The following CHD2 variants were observed in gnomAD, a reference collection of about 807,000 sequenced individuals.
CHD2 encodes the protein chromodomain helicase DNA binding protein 2, also known as ATP-dependent chromatin remodeler CHD2.
A neutral mutation model predicts 243.9 loss-of-function variants in CHD2; 28 were observed. That is an observed-to-expected ratio of 0.11 (90% CI 0.09 to 0.16). CHD2 has a LOEUF of 0.16. Ranked by LOEUF, CHD2 falls within the 10% of genes least tolerant of loss-of-function variation. The probability of loss-of-function intolerance (pLI) is 1.00; values close to 1 mark genes in which losing one functional copy is unlikely to be tolerated. For synonymous variants in CHD2, 775 were observed against 779.0 expected (o/e 0.99, Z 0.09); for missense variants, 1,386 against 2,209.8 (o/e 0.63, Z 7.47).
At chr15:92,913,612 T>A (rs1162779970) in intron 2 of CHD2, among the ~76,000 whole-genome samples, 9 of 152,160 alleles carry the variant, frequency 5.9e-5, no homozygotes, top group Admixed American at 5.9e-4. Flanking sequence ...TCCCAGCACT[T>A]TGGGAGGCTG....
At position 92,957,798 on chromosome 15, in the gene CHD2, C is replaced by G. The variant is rs148357470; in HGVS notation, c.2000+1149C>G. Among the ~76,000 whole-genome samples the G allele has an allele frequency of 6.4e-4, 98 of 152,166 alleles. 2 individuals carry two copies. In the East Asian group the frequency reaches 0.019, roughly 29 times the overall value. ...AACATTTTCCTCATCCCAAAAAGTT[C>G]CCCCTTGCTTGTTTGCAGTTAACCT... is the stretch of plus-strand genomic sequence containing the variant. On this transcript the variant is annotated intron_variant, in intron 16 of 38. Transcript: ENST00000394196.
chr15:92,978,877 G>A (rs1350160935), intron 21 of CHD2, among the ~76,000 whole-genome samples: 2 of 152,154 alleles, frequency 1.3e-5, no homozygotes, highest in Non-Finnish European at 2.9e-5. Context: ...ACTGAAGCAC[G>A]ATTTTTATTG....
rs2053606773 is a variant in CHD2, at chr15:92,955,445, A to T, written c.1742A>T (p.His581Leu). 1 of 1,596,062 alleles carries T rather than the reference A, an allele frequency of 6.3e-7. No homozygotes were observed. Among genetic ancestry groups the T allele is most frequent in the African/African-American group, 1.4e-5 (1 of 73,780 alleles). ...RNTIREYEWIHSQTKRLKFNA... is the reference protein window; with the variant it reads ...RNTIREYEWILSQTKRLKFNA... ...TAGATACGGGAATATGAATGGATTC[A>T]TTCCCAAACCAAAAGATTGAAGTTC... is the stretch of plus-strand genomic sequence containing the variant. The change falls in exon 15 of 39, where the codon CAT becomes CTT. Residue 581 changes from histidine to leucine, a missense_variant. Physicochemically the swap from His to Leu is moderately conservative, Grantham distance 99 (BLOSUM62 -3). Around this residue, in one of 19 missense-constraint regions of CHD2, gnomAD observed 63 missense variants for 108.8 expected, o/e 0.58. Transcript: ENST00000394196.
intron 32 of CHD2, among the ~76,000 whole-genome samples, chr15:93,001,436 T>G (rs879337401): frequency 1.3e-5 from 2 of 152,188 alleles, no homozygotes; most frequent in African/African-American, 2.4e-5. Context: ...TAATTGTACT[T>G]GGATATTAGC....
intron 27 of CHD2, among the ~76,000 whole-genome samples, chr15:92,992,162 G>T (rs1338804611): frequency 6.6e-6 from 1 of 152,184 alleles, no homozygotes; most frequent in Non-Finnish European, 1.5e-5. Context: ...CTTCTTGAGT[G>T]GGTGAAAATT....
intron 21 of CHD2, among the ~76,000 whole-genome samples, chr15:92,978,698 C>T (rs530178277): frequency 4.6e-5 from 7 of 152,256 alleles, no homozygotes; most frequent in African/African-American, 9.6e-5. Flanking sequence ...AGTTAAATAT[C>T]CTATTGTTCA....
chr15:92,976,536 C>T (rs921271684), intron 20 of CHD2, among the ~76,000 whole-genome samples: 8 of 151,314 alleles, frequency 5.3e-5, no homozygotes, highest in African/African-American at 9.7e-5. Context: ...TGAGGCTAGG[C>T]GCGCATAGTG....
At chr15:92,917,774 A>T (rs913544544) in intron 2 of CHD2, among the ~76,000 whole-genome samples, 1 of 152,186 alleles carries the variant, frequency 6.6e-6, no homozygotes, top group Non-Finnish European at 1.5e-5. Context: ...CTGTGGGGTG[A>T]TATCTTACAC....
intron 35 of CHD2, among the ~76,000 whole-genome samples, chr15:93,009,582 T>C (rs1156363199): frequency 1.3e-5 from 2 of 152,256 alleles, no homozygotes; most frequent in Non-Finnish European, 2.9e-5. Flanking sequence ...TTTGCTGGTC[T>C]ATTCTCAGAA....
At chr15:92,920,551 T>C (rs1302611531) in intron 2 of CHD2, among the ~76,000 whole-genome samples, 3 of 152,206 alleles carry the variant, frequency 2.0e-5, no homozygotes, top group African/African-American at 7.2e-5. Flanking sequence ...TAAACATTTC[T>C]AGTTGGGCTG....
chr15:93,018,674 A>G (rs1228907928), intron 37 of CHD2, among the ~76,000 whole-genome samples: 1 of 152,208 alleles, frequency 6.6e-6, no homozygotes, highest in East Asian at 1.9e-4. Context: ...CTCCGAGGGA[A>G]AAGCTGTTCC....
chr15:92,908,944 C>T lies in CHD2; in HGVS notation c.62+7645C>T, dbSNP rs563195328. Among the ~76,000 whole-genome samples, 52 of 152,102 alleles carry T rather than the reference C, an allele frequency of 3.4e-4. No homozygotes were observed. In the South Asian group the frequency reaches 8.9e-3, roughly 26 times the overall value. ...GAACAGCCTGGCCAACATGGTGAAA[C>T]CCTGTCTCTACTAAAAATACAAAGA... is the stretch of plus-strand genomic sequence containing the variant. On this transcript the variant is annotated intron_variant, in intron 2 of 38. Transcript: ENST00000394196.
At chr15:93,013,785 A>G (rs542450308) in intron 36 of CHD2, among the ~76,000 whole-genome samples, 1 of 152,120 alleles carries the variant, frequency 6.6e-6, no homozygotes, top group African/African-American at 2.4e-5. Flanking sequence ...AACTACAAAT[A>G]TTAGCTGGGT....
intron 2 of CHD2, among the ~76,000 whole-genome samples, chr15:92,920,911 G>A (rs1242715625): frequency 2.6e-5 from 4 of 152,172 alleles, no homozygotes; most frequent in Non-Finnish European, 2.9e-5. Context: ...GTTGACAAGC[G>A]GCCAGATTAC....
intron 2 of CHD2, among the ~76,000 whole-genome samples, chr15:92,908,404 G>T (rs971075864): frequency 4.6e-5 from 7 of 152,080 alleles, no homozygotes; most frequent in African/African-American, 1.7e-4. Context: ...TGTGTGTTTT[G>T]GGTTTCCTCT....
At position 92,924,492 on chromosome 15, in the gene CHD2, C is replaced by A. The variant is rs751285040; in HGVS notation, c.234C>A (p.Val78=). The A allele has an allele frequency of 6.2e-7, 1 of 1,613,942 alleles. No individual in the cohort carries two copies. The highest frequency in any genetic ancestry group is 1.3e-5 in the African/African-American group (1 of 74,880). Residue 78 remains valine, a synonymous_variant, in exon 3 of 39, where the codon GTC becomes GTA. Coordinates refer to ENST00000394196, the MANE Select transcript of CHD2 (RefSeq NM_001271.4). ...CAGCAGGTTCCAAATCCCAGCCAGTCCTCCCAGAAGCCAAAGAGAAGCCAG... is the reference window on the plus strand; with the variant it reads ...CAGCAGGTTCCAAATCCCAGCCAGTACTCCCAGAAGCCAAAGAGAAGCCAG... The part of the protein sequence containing the change: ...SESAGSKSQP[V]LPEAKEKPAS...
At chr15:93,005,103 T>C (rs921590004) in intron 34 of CHD2, among the ~76,000 whole-genome samples, 3 of 152,208 alleles carry the variant, frequency 2.0e-5, no homozygotes, top group African/African-American at 7.2e-5. Context: ...GTTGAATAGA[T>C]AACCATTTCT....
In CHD2 at chr15:92,904,579, G is replaced by A. The variant is rs994533572; in HGVS notation, c.62+3280G>A. 8 of 1,035,230 alleles carry A rather than the reference G, an allele frequency of 7.7e-6. No homozygotes were observed. The South Asian group carries it at 1.5e-4, about 19-fold the overall frequency. 64.1% of individuals were successfully genotyped at this position (1,035,230 alleles called of 1,614,324 possible). ...GCTCCTGGCAGTCTTGTCCGCCCTTGCCTGTAGCGGTCCGCACCCTGTAGT... is the reference window on the plus strand; with the variant it reads ...GCTCCTGGCAGTCTTGTCCGCCCTTACCTGTAGCGGTCCGCACCCTGTAGT... On this transcript the variant is annotated intron_variant, in intron 2 of 38. Transcript: ENST00000394196.
At chr15:93,019,267 T>C (rs2054500703) in intron 37 of CHD2, among the ~76,000 whole-genome samples, 1 of 152,178 alleles carries the variant, frequency 6.6e-6, no homozygotes, top group African/African-American at 2.4e-5. Flanking sequence ...ACGTTAGATG[T>C]GTAACCGGAG....
Sources: allele counts gnomAD v4.1 joint callset (sites outside exome capture counted in the v4.1 genomes callset), GRCh38; gene constraint gnomAD v4.1.1; regional missense constraint gnomAD v4.1.1; transcripts MANE v1.5; gene names NCBI Gene and HGNC (gene_info 2026-07-23, HGNC 2026-07-21).